Variants in CEP170 observed in about 807,000 individuals in gnomAD.
CEP170 encodes centrosomal protein 170, also known as centrosomal protein of 170 kDa.
In CEP170, 21 loss-of-function variants were observed where a neutral mutation model predicts 151.9. The observed-to-expected ratio is 0.14, with a 90% CI of 0.10 to 0.20. The LOEUF is 0.20. CEP170 is among the 10% of genes least tolerant of loss of function. CEP170 has a pLI of 1.00. For synonymous variants in CEP170, 356 were observed against 648.8 expected (o/e 0.55, Z 6.86); for missense variants, 964 against 1,892.9 (o/e 0.51, Z 9.11).
intron 14 of CEP170, among the ~76,000 whole-genome samples, chr1:243,146,148 A>G (rs1256501866): frequency 2.6e-5 from 4 of 152,228 alleles, no homozygotes; most frequent in Non-Finnish European, 5.9e-5. Flanking sequence ...TGTAAGAATG[A>G]TATGAATTAG....
At chr1:243,234,259 C>T (rs1180633757) in intron 1 of CEP170, among the ~76,000 whole-genome samples, 1 of 152,164 alleles carries the variant, frequency 6.6e-6, no homozygotes, top group Non-Finnish European at 1.5e-5. Context: ...TTTTCTCTAG[C>T]TTATGCATTT....
At chr1:243,208,013 A>G (rs1572291880) in intron 4 of CEP170, among the ~76,000 whole-genome samples, 1 of 152,276 alleles carries the variant, frequency 6.6e-6, no homozygotes, top group East Asian at 1.9e-4. Flanking sequence ...CATTTTCTCC[A>G]CAAAACTTGC....
chr1:243,205,926 C>CAAAAAGAAAGAAGAAGAAAGAAGGAAGA (rs2061387394), intron 4 of CEP170, among the ~76,000 whole-genome samples: 1 of 135,034 alleles, frequency 7.4e-6, no homozygotes, highest in Non-Finnish European at 1.6e-5. Flanking sequence ...AAACAACAAA[C>CAAAAAGAAAGAAGAAGAAAGAAGGAAGA]AAAAAGAAAG....
intron 1 of CEP170, among the ~76,000 whole-genome samples, chr1:243,240,865 G>C (rs1051364764): frequency 1.3e-5 from 2 of 151,972 alleles, no homozygotes; most frequent in South Asian, 4.1e-4. Context: ...GCTAATTTTT[G>C]TATTTTTAGT....
intron 1 of CEP170, among the ~76,000 whole-genome samples, chr1:243,253,484 G>C (rs1265365328): frequency 6.6e-6 from 1 of 152,232 alleles, no homozygotes; most frequent in Non-Finnish European, 1.5e-5. Flanking sequence ...GTCTTCCTCT[G>C]TCAAGTGCAC....
chr1:243,212,716 C>T (rs890991454), intron 3 of CEP170, among the ~76,000 whole-genome samples: 9 of 151,846 alleles, frequency 5.9e-5, no homozygotes, highest in South Asian at 2.1e-4. Context: ...CTTTCAGGGT[C>T]GCGGTGGTGC....
chr1:243,216,559 T>C (rs987535578), intron 3 of CEP170, among the ~76,000 whole-genome samples: 1 of 152,200 alleles, frequency 6.6e-6, no homozygotes, highest in Non-Finnish European at 1.5e-5. Flanking sequence ...TACAGTAAAA[T>C]ACTTAAAGGG....
At position 243,243,497 on chromosome 1, in the gene CEP170, GATTTATTTATTT is replaced by G. The variant is rs35889417; in HGVS notation, c.-42+11531_-42+11542del. ...AAAACAAAATTCAACTTACCATTCT[GATTTATTTATTT>G]ATTTATTTATTTATTTATTTATTTA... is the stretch of plus-strand genomic sequence containing the variant. On this transcript the variant is annotated intron_variant, in intron 1 of 19. Coordinates refer to ENST00000366542, the MANE Select transcript of CEP170 (RefSeq NM_014812.3). Among the ~76,000 whole-genome samples the G allele has an allele frequency of 1.5e-3, 222 of 146,064 alleles. 1 individual carries two copies. Among genetic ancestry groups the G allele is most frequent in the African/African-American group, 2.9e-3 (114 of 39,010 alleles).
chr1:243,224,134 C>T (rs1245729204), intron 2 of CEP170, among the ~76,000 whole-genome samples: 1 of 152,082 alleles, frequency 6.6e-6, no homozygotes, highest in Non-Finnish European at 1.5e-5. Context: ...TATTCACAAC[C>T]CATTTGGATA....
At chr1:243,227,844 T>A (rs1365236592) in intron 1 of CEP170, among the ~76,000 whole-genome samples, 2 of 152,224 alleles carry the variant, frequency 1.3e-5, no homozygotes, top group Non-Finnish European at 2.9e-5. Flanking sequence ...CTGAGAGCTT[T>A]GAGAATAGTT....
At chr1:243,212,526 T>G (rs2061899867) in intron 3 of CEP170, among the ~76,000 whole-genome samples, 3 of 152,200 alleles carry the variant, frequency 2.0e-5, no homozygotes, top group Non-Finnish European at 4.4e-5. Context: ...TTCTGATATG[T>G]TGAAATTCTG....
chr1:243,221,941 A>T, intron 2 of CEP170, 128 bp from the exon 3 acceptor site: 1 of 757,638 alleles, frequency 1.3e-6, no homozygotes, highest in Non-Finnish European at 2.0e-6. Context: ...GTGTGGATTA[A>T]ATGAGATTAA....
chr1:243,165,937 T>C lies in CEP170; in HGVS notation c.2023A>G (p.Thr675Ala). Reference protein sequence around the residue: ...QRSEIGEKQDTELQEKETPTQ... With the variant: ...QRSEIGEKQDAELQEKETPTQ... ...GGTGTTTCTTTCTCCTGAAGTTCTG[T>C]GTCTTGTTTTTCTCCTATCTCTGAC... Residue 675 changes from threonine to alanine, a missense_variant, in exon 13 of 20, where the codon ACA (threonine) becomes GCA (alanine). Coordinates refer to ENST00000366542, the MANE Select transcript of CEP170 (RefSeq NM_014812.3). 2.5e-6 allele frequency: 4 copies of C among 1,613,746 alleles called. No individual in the cohort carries two copies. The highest frequency in any genetic ancestry group is 3.4e-6 in the Non-Finnish European group (4 of 1,179,712).
At chr1:243,253,253 G>A (rs1395972208) in intron 1 of CEP170, 3 of 152,086 alleles carry the variant, frequency 2.0e-5, no homozygotes, top group Admixed American at 2.0e-4. Context: ...CATCACAAAG[G>A]CAAGAACTAG....
chr1:243,246,127 T>C (rs1420370575), intron 1 of CEP170, among the ~76,000 whole-genome samples: 2 of 152,168 alleles, frequency 1.3e-5, no homozygotes, highest in East Asian at 3.8e-4. Context: ...TCTGCATTTG[T>C]ATCTGCATTG....
chr1:243,149,135 A>T (rs2056822919), intron 14 of CEP170, among the ~76,000 whole-genome samples: 1 of 149,040 alleles, frequency 6.7e-6, no homozygotes, highest in Admixed American at 6.7e-5. Flanking sequence ...TTATCGCTAC[A>T]GATAAGTTAC....
At chr1:243,240,507 G>A (rs2064722421) in intron 1 of CEP170, among the ~76,000 whole-genome samples, 1 of 152,036 alleles carries the variant, frequency 6.6e-6, no homozygotes, top group Admixed American at 6.6e-5. Context: ...TCTTAGACCT[G>A]GAATCACTTG....
chr1:243,242,147 AG>A (rs2064908264), intron 1 of CEP170, among the ~76,000 whole-genome samples: 1 of 152,198 alleles, frequency 6.6e-6, no homozygotes, highest in Non-Finnish European at 1.5e-5. Context: ...TTATATTTGA[AG>A]GGCAGAGGAC....
chr1:243,233,971 A>T (rs549462873), intron 1 of CEP170, among the ~76,000 whole-genome samples: 1 of 152,202 alleles, frequency 6.6e-6, no homozygotes, highest in East Asian at 1.9e-4. Context: ...CAGATTATTA[A>T]GCCTGAGAAA....
Sources: allele counts gnomAD v4.1 joint callset (sites outside exome capture counted in the v4.1 genomes callset), GRCh38; gene constraint gnomAD v4.1.1; transcripts MANE v1.5; gene names NCBI Gene and HGNC (gene_info 2026-07-23, HGNC 2026-07-21).